The following GPR158 variants were observed in gnomAD, a reference collection of about 807,000 sequenced individuals.
GPR158 encodes the protein metabotropic glycine receptor.
Under a neutral mutation model 78.2 loss-of-function variants are expected in GPR158, and 30 were observed. The observed-to-expected ratio is 0.38, with a 90% CI of 0.29 to 0.52. The LOEUF (loss-of-function observed/expected upper bound fraction) is 0.52. GPR158 is among the 20% of genes least tolerant of loss of function. The pLI, the probability that GPR158 is intolerant of heterozygous loss-of-function variation, is 0.83. For synonymous variants in GPR158, 581 were observed against 591.1 expected (o/e 0.98, Z 0.25); for missense variants, 1,463 against 1,523.5 (o/e 0.96, Z 0.66).
intron 4 of GPR158, among the ~76,000 whole-genome samples, chr10:25,455,897 T>G (rs1835284891): frequency 6.6e-6 from 1 of 152,132 alleles, no homozygotes; most frequent in Non-Finnish European, 1.5e-5. Flanking sequence ...GCAGACAACT[T>G]TAAGAATGAT....
At chr10:25,240,975 G>C (rs918920545) in intron 2 of GPR158, among the ~76,000 whole-genome samples, 9 of 152,038 alleles carry the variant, frequency 5.9e-5, no homozygotes, top group African/African-American at 2.2e-4. Context: ...GATTCCTCTT[G>C]TTTTCTATTA....
At chr10:25,339,816 T>C (rs1855277461) in intron 2 of GPR158, among the ~76,000 whole-genome samples, 1 of 152,056 alleles carries the variant, frequency 6.6e-6, no homozygotes. Flanking sequence ...TACTGAATGG[T>C]TTCTTAATGT....
chr10:25,325,902 ATTT>A (rs34026835), intron 2 of GPR158, among the ~76,000 whole-genome samples: 1 of 144,098 alleles, frequency 6.9e-6, no homozygotes. Flanking sequence ...GGCCATTTGT[ATTT>A]TTTTTTTTTT....
chr10:25,455,515 G>C (rs1835279031), intron 4 of GPR158, among the ~76,000 whole-genome samples: 1 of 151,956 alleles, frequency 6.6e-6, no homozygotes, highest in East Asian at 1.9e-4. Flanking sequence ...TGAGTTGATA[G>C]TCTGATCCTA....
chr10:25,251,774 A>G lies in GPR158; in HGVS notation c.1008+30617A>G, dbSNP rs1853804209. On this transcript the variant is annotated intron_variant, in intron 2 of 10. Transcript: ENST00000376351. ...TTTTCCTTCATTTCAACTTTGGTGA[A>G]TCTGACAATTATGTGTCTTGGAGTT... 2.0e-5 allele frequency among the ~76,000 whole-genome samples: 3 copies of G among 150,658 alleles called. No homozygotes were observed. The South Asian group carries it at 6.3e-4, about 32-fold the overall frequency.
At chr10:25,445,731 CGAGAGAGAGAGAGGAGAGAGGGG>C (rs1564457773) in intron 4 of GPR158, among the ~76,000 whole-genome samples, 1 of 149,756 alleles carries the variant, frequency 6.7e-6, no homozygotes, top group African/African-American at 2.5e-5. Flanking sequence ...GTAGTGGCGG[CGAGAGAGAGAGAGGAGAGAGGGG>C]GAGAGAGAGA....
chr10:25,329,981 T>C (rs560098799), intron 2 of GPR158, among the ~76,000 whole-genome samples: 1 of 151,290 alleles, frequency 6.6e-6, no homozygotes, highest in Non-Finnish European at 1.5e-5. Flanking sequence ...TGGAGATTTC[T>C]ACTCAGAATT....
At chr10:25,202,870 AAC>A (rs1421217090) in intron 1 of GPR158, among the ~76,000 whole-genome samples, 6 of 152,174 alleles carry the variant, frequency 3.9e-5, no homozygotes, top group Non-Finnish European at 8.8e-5. Context: ...CACTCCCACC[AAC>A]AGTGTAAAAG....
chr10:25,268,850 C>T (rs912797542), intron 2 of GPR158, among the ~76,000 whole-genome samples: 2 of 152,134 alleles, frequency 1.3e-5, no homozygotes, highest in African/African-American at 2.4e-5. Context: ...TGAACCAATA[C>T]TATATAAAAG....
At chr10:25,286,205 T>A (rs572197290) in intron 2 of GPR158, among the ~76,000 whole-genome samples, 6 of 152,128 alleles carry the variant, frequency 3.9e-5, no homozygotes, top group Non-Finnish European at 4.4e-5. Context: ...GTGTTTTTTA[T>A]TAAATCAAAT....
rs1837498152 is a variant in GPR158 at position 25,601,536 on chromosome 10, G to C, written c.*2262G>C. 1 of 152,556 alleles carries C rather than the reference G, an allele frequency of 6.6e-6. No homozygotes were observed. Among genetic ancestry groups the C allele is most frequent in the South Asian group, 2.1e-4 (1 of 4,832 alleles). 9.5% of individuals were successfully genotyped at this position (152,556 alleles called of 1,614,324 possible). A position where few individuals can be genotyped will look rare whatever the true frequency, so the allele number is the denominator to read the frequency against. ...TGACTTTCTATTGCACTTCAGGATT[G>C]ATCCTGCTAGAGATGTGAGTTAAAA... is the stretch of plus-strand genomic sequence containing the variant. On this transcript the variant is annotated 3_prime_UTR_variant, in exon 11 of 11. Transcript: ENST00000376351.
chr10:25,414,452 C>G (rs773522756), intron 4 of GPR158, among the ~76,000 whole-genome samples: 3 of 151,966 alleles, frequency 2.0e-5, no homozygotes, highest in Non-Finnish European at 4.4e-5. Flanking sequence ...GGTCACCTTT[C>G]GAAGAATCAG....
In GPR158 at chr10:25,241,311, T is replaced by TTTCTTTTCTC. The variant is rs1554787218; in HGVS notation, c.1008+20158_1008+20159insTTTCTCTTCT. Among the ~76,000 whole-genome samples the TTTCTTTTCTC allele has an allele frequency of 4.1e-3, 433 of 104,556 alleles. 25 individuals carry two copies. In the East Asian group the frequency reaches 0.071, roughly 17 times the overall value. The allele number at this position is 104,556 out of a possible 152,430, so 68.6% of individuals were successfully genotyped here. ...TTTCTTTTCTTTTCTTTTCTTTTCT[T>TTTCTTTTCTC]TTCTCTTCTCTTCTCTTCTCTTCTC... On this transcript the variant is annotated intron_variant, in intron 2 of 10. Coordinates refer to ENST00000376351, the MANE Select transcript of GPR158 (RefSeq NM_020752.3).
intron 2 of GPR158, among the ~76,000 whole-genome samples, chr10:25,307,377 C>CTTT (rs561085223): frequency 1.7e-5 from 2 of 114,388 alleles, no homozygotes; most frequent in African/African-American, 6.9e-5. Flanking sequence ...ATTTTAATTG[C>CTTT]TTTTTTTTTT....
chr10:25,188,674 A>C (rs145748443), intron 1 of GPR158, among the ~76,000 whole-genome samples: 2,220 of 152,318 alleles, frequency 0.015, 58 homozygotes, highest in African/African-American at 0.051. Flanking sequence ...TAAAACCATA[A>C]AAACCCTTGA....
chr10:25,419,120 A>G (rs2130558156), intron 4 of GPR158, among the ~76,000 whole-genome samples: 1 of 152,112 alleles, frequency 6.6e-6, no homozygotes, highest in East Asian at 1.9e-4. Flanking sequence ...TTTTATCATC[A>G]CAAACCAAAC....
chr10:25,211,599 C>T (rs1318841052), intron 1 of GPR158, among the ~76,000 whole-genome samples: 1 of 152,204 alleles, frequency 6.6e-6, no homozygotes, highest in Non-Finnish European at 1.5e-5. Context: ...CAGGTCCCAT[C>T]TCTTATCACC....
chr10:25,326,271 C>T (rs567492874), intron 2 of GPR158, among the ~76,000 whole-genome samples: 114 of 152,266 alleles, frequency 7.5e-4, no homozygotes, highest in African/African-American at 2.6e-3. Context: ...CATGTCCCTG[C>T]AAAGGACATG....
chr10:25,511,490 T>C (rs193235361), intron 5 of GPR158, among the ~76,000 whole-genome samples: 3 of 152,322 alleles, frequency 2.0e-5, no homozygotes, highest in Admixed American at 1.3e-4. Context: ...ACTCTCTGGG[T>C]TGTCTGTTTA....
Sources: allele counts gnomAD v4.1 joint callset (sites outside exome capture counted in the v4.1 genomes callset), GRCh38; gene constraint gnomAD v4.1.1; transcripts MANE v1.5; gene names NCBI Gene and HGNC (gene_info 2026-07-23, HGNC 2026-07-21).